PPP4R2: variants seen among roughly 807,000 people sequenced by gnomAD.
The protein encoded by PPP4R2 is protein phosphatase 4 regulatory subunit 2.
In PPP4R2, 13 loss-of-function variants were observed where a neutral mutation model predicts 47.2. The observed-to-expected ratio is 0.28, with a 90% CI of 0.18 to 0.44. The LOEUF (loss-of-function observed/expected upper bound fraction) is 0.44. Among genes scored for constraint, PPP4R2 ranks in the 20% least tolerant of loss-of-function variants. PPP4R2 has a pLI of 1.00. For synonymous variants in PPP4R2, 151 were observed against 163.3 expected, an observed-to-expected ratio of 0.92 and a Z score of 0.57; for missense variants, 421 against 491.2, an observed-to-expected ratio of 0.86 and a Z score of 1.35.
At chr3:73,044,285 C>T (rs1033037680) in intron 2 of PPP4R2, among the ~76,000 whole-genome samples, 1 of 152,056 alleles carries the variant, frequency 6.6e-6, no homozygotes, top group Admixed American at 6.6e-5. Context: ...CTGCATTGTT[C>T]CTACCAGCAA....
chr3:73,054,012 G>A (rs929952709), intron 3 of PPP4R2, among the ~76,000 whole-genome samples: 4 of 151,826 alleles, frequency 2.6e-5, no homozygotes, highest in Non-Finnish European at 5.9e-5. Context: ...TATTACCTGG[G>A]TTTAAACAAT....
At chr3:73,002,042 GA>G (rs1221699326) in intron 2 of PPP4R2, among the ~76,000 whole-genome samples, 2 of 151,944 alleles carry the variant, frequency 1.3e-5, no homozygotes, top group Non-Finnish European at 2.9e-5. Context: ...TCAGTCTTTA[GA>G]CTCTTACCTT....
intron 3 of PPP4R2, among the ~76,000 whole-genome samples, chr3:73,048,093 T>A (rs1702523961): frequency 6.6e-6 from 1 of 152,196 alleles, no homozygotes; most frequent in African/African-American, 2.4e-5. Flanking sequence ...GCCAGGATGG[T>A]CTCGATCTCC....
At chr3:73,007,379 G>T (rs1423232496) in intron 2 of PPP4R2, among the ~76,000 whole-genome samples, 1 of 152,088 alleles carries the variant, frequency 6.6e-6, no homozygotes, top group Non-Finnish European at 1.5e-5. Context: ...ACTAAGACCC[G>T]CATTATTACA....
rs368098100 is a variant in PPP4R2, at chr3:73,062,065, A to G, written c.419+1005A>G. ...AAAATGGTAAAGAAGTGCAGAGTCA[A>G]GTCATAGCGACTAATAATGGGTTAT... On this transcript the variant is annotated intron_variant, in intron 5 of 8. Coordinates refer to ENST00000356692, the MANE Select transcript of PPP4R2 (RefSeq NM_174907.4). The G allele has an allele frequency of 5.0e-5, 75 of 1,504,764 alleles. 1 individual carries two copies. In the African/African-American group the frequency reaches 8.5e-4, roughly 17 times the overall value. 93.2% of individuals were successfully genotyped at this position (1,504,764 alleles called of 1,614,324 possible). A position where few individuals can be genotyped will look rare whatever the true frequency, so the allele number is the denominator to read the frequency against.
chr3:73,062,074 G>A (rs758830148), intron 5 of PPP4R2: 121 of 1,524,330 alleles, frequency 7.9e-5, no homozygotes, highest in Non-Finnish European at 1.0e-4. Flanking sequence ...AAGTCATAGC[G>A]ACTAATAATG....
chr3:73,045,747 G>A lies in PPP4R2; in HGVS notation c.117-1439G>A, dbSNP rs191435905. Among the ~76,000 whole-genome samples, 14 of 152,040 alleles carry A rather than the reference G, an allele frequency of 9.2e-5. No individual in the cohort carries two copies. In the East Asian group the frequency reaches 2.3e-3, roughly 25 times the overall value. ...TCACCATGTTGGCCAGGCTGATCTC[G>A]AACTCCTGACCTCAGGTGATCCGCC... On this transcript the variant is annotated intron_variant, in intron 2 of 8. Transcript: ENST00000356692.
chr3:73,048,016 G>T (rs1208740202), intron 3 of PPP4R2, among the ~76,000 whole-genome samples: 1 of 152,076 alleles, frequency 6.6e-6, no homozygotes, highest in African/African-American at 2.4e-5. Flanking sequence ...AACTGAGACT[G>T]TAGGCGCATG....
intron 2 of PPP4R2, among the ~76,000 whole-genome samples, chr3:73,006,310 C>T (rs1198205674): frequency 3.3e-5 from 5 of 151,006 alleles, no homozygotes; most frequent in South Asian, 2.1e-4. Context: ...GCTATTCTTC[C>T]GTCTCAGCCT....
At chr3:72,997,152 G>T in intron 1 of PPP4R2, 81 bp downstream of exon 1, 1 of 1,163,192 alleles carries the variant, frequency 8.6e-7, no homozygotes, top group Non-Finnish European at 1.1e-6. Context: ...ATGGTTCCGA[G>T]GACCGGGGCC....
At chr3:73,056,340 C>G (rs899428590) in intron 3 of PPP4R2, among the ~76,000 whole-genome samples, 3 of 152,122 alleles carry the variant, frequency 2.0e-5, no homozygotes, top group Admixed American at 2.0e-4. Flanking sequence ...ATTTACATGT[C>G]TTTTGACTGC....
chr3:73,034,242 C>A (rs1253706831), intron 2 of PPP4R2, among the ~76,000 whole-genome samples: 1 of 152,138 alleles, frequency 6.6e-6, no homozygotes, highest in Non-Finnish European at 1.5e-5. Context: ...TGTCTTTAAA[C>A]AATGCACCTT....
rs534591083 is a variant in PPP4R2 at position 72,996,910 on chromosome 3, C to G, written c.-128C>G. ...TTCCCCCGGCTCCCTTCGTTTCCCC[C>G]CCCCGGTCGCCTGCGTGCCGGAGTG... On this transcript the variant is annotated 5_prime_UTR_variant, in exon 1 of 9. Transcript: ENST00000356692. The G allele has an allele frequency of 5.9e-5, 34 of 580,470 alleles. No individual in the cohort carries two copies. Among genetic ancestry groups the G allele is most frequent in the East Asian group, 1.4e-4 (4 of 28,736 alleles). 36.0% of individuals were successfully genotyped at this position (580,470 alleles called of 1,614,324 possible).
intron 2 of PPP4R2, among the ~76,000 whole-genome samples, chr3:73,006,139 G>A (rs1270447776): frequency 6.8e-6 from 1 of 147,954 alleles, no homozygotes; most frequent in East Asian, 2.0e-4. Context: ...ATTCAACATA[G>A]TTTGTATTTC....
intron 2 of PPP4R2, among the ~76,000 whole-genome samples, chr3:73,037,696 A>G (rs755630534): frequency 6.6e-6 from 1 of 152,206 alleles, no homozygotes; most frequent in African/African-American, 2.4e-5. Context: ...ACTTTAGTCA[A>G]TATATTTCCA....
At chr3:73,061,102 T>C in intron 5 of PPP4R2, 42 bp downstream of exon 5, 1 of 901,244 alleles carries the variant, frequency 1.1e-6, no homozygotes, top group Non-Finnish European at 1.6e-6. Flanking sequence ...ATTTACTATA[T>C]TTAATCATTT....
intron 4 of PPP4R2, among the ~76,000 whole-genome samples, chr3:73,059,972 A>G (rs1237041674): frequency 2.6e-5 from 4 of 152,032 alleles, no homozygotes; most frequent in African/African-American, 9.7e-5. Context: ...GTGAAGAACA[A>G]AGATTCAAGG....
intron 3 of PPP4R2, among the ~76,000 whole-genome samples, chr3:73,056,468 C>A (rs1308786601): frequency 1.3e-5 from 2 of 152,178 alleles, no homozygotes; most frequent in Non-Finnish European, 2.9e-5. Context: ...ATTTATCATA[C>A]TAATATTTCC....
At position 73,063,766 on chromosome 3, in the gene PPP4R2, AATACC is replaced by A. The variant is rs748662914; in HGVS notation, c.494+20_494+24del. 6.8e-7 allele frequency: 1 copy of A among 1,474,650 alleles called. No homozygotes were observed. The highest frequency in any genetic ancestry group is 1.1e-5 in the South Asian group (1 of 87,042). 91.3% of individuals were successfully genotyped at this position (1,474,650 alleles called of 1,614,324 possible). On this transcript the variant is annotated intron_variant, in intron 6 of 8. Coordinates refer to ENST00000356692, the MANE Select transcript of PPP4R2 (RefSeq NM_174907.4). ...CTGAGAGGTGAGATTCTAGATTTTTAATACCTACAGAGTTTGCATTGTCCTGATTT... is the reference window on the plus strand; with the variant it reads ...CTGAGAGGTGAGATTCTAGATTTTTATACAGAGTTTGCATTGTCCTGATTT...
Sources: gnomAD v4.1 joint callset for allele counts (sites outside exome capture counted in the v4.1 genomes callset) on GRCh38, gnomAD v4.1.1 for gene constraint, MANE v1.5 for transcripts, NCBI Gene and HGNC (gene_info 2026-07-23, HGNC 2026-07-21) for gene names.